The following CTNND2 variants were observed in gnomAD, a reference collection of about 807,000 sequenced individuals.
The protein encoded by CTNND2 is catenin delta-2.
Under a neutral mutation model 144.4 loss-of-function variants are expected in CTNND2, and 22 were observed. The observed-to-expected ratio is 0.15, with a 90% CI of 0.11 to 0.22. The LOEUF is 0.22. Among genes scored for constraint, CTNND2 ranks in the 10% least tolerant of loss-of-function variants. The pLI, the probability that CTNND2 is intolerant of heterozygous loss-of-function variation, is 1.00. For missense variants in CTNND2, 1,353 were observed against 1,618.8 expected (o/e 0.84, Z 2.82); for synonymous variants, 751 against 695.6 (o/e 1.08, Z -1.25).
intron 2 of CTNND2, among the ~76,000 whole-genome samples, chr5:11,647,126 C>A (rs749310225): frequency 2.4e-4 from 37 of 152,276 alleles, no homozygotes; most frequent in Admixed American, 6.5e-4. Flanking sequence ...GCTCATTGAG[C>A]AAACTCTACT....
At chr5:11,211,143 T>A (rs1366988635) in intron 10 of CTNND2, among the ~76,000 whole-genome samples, 1 of 151,962 alleles carries the variant, frequency 6.6e-6, no homozygotes, top group Non-Finnish European at 1.5e-5. Context: ...AAATAGGGTG[T>A]GATGGTGTTG....
At chr5:11,755,578 G>A (rs73045152) in intron 1 of CTNND2, among the ~76,000 whole-genome samples, 2,870 of 150,990 alleles carry the variant, frequency 0.019, 88 homozygotes, top group African/African-American at 0.062. Flanking sequence ...CAGGGACACC[G>A]ATGAGTCATA....
intron 1 of CTNND2, among the ~76,000 whole-genome samples, chr5:11,766,986 C>T (rs1789630145): frequency 6.6e-6 from 1 of 152,040 alleles, no homozygotes; most frequent in Non-Finnish European, 1.5e-5. Flanking sequence ...CCAGAGCTCA[C>T]CCTGAGACCC....
intron 21 of CTNND2, among the ~76,000 whole-genome samples, chr5:10,980,207 A>G (rs1737051728): frequency 6.9e-6 from 1 of 144,238 alleles, no homozygotes; most frequent in African/African-American, 2.5e-5. Context: ...AATTTACAAG[A>G]AAAAAAAAAC....
chr5:10,987,419 C>T (rs1408376562), intron 20 of CTNND2, among the ~76,000 whole-genome samples: 2 of 152,148 alleles, frequency 1.3e-5, no homozygotes, highest in African/African-American at 4.8e-5. Context: ...TCCATAGAGT[C>T]TTGGCTGATG....
chr5:11,677,352 A>G (rs1375199579), intron 2 of CTNND2, among the ~76,000 whole-genome samples: 1 of 152,180 alleles, frequency 6.6e-6, no homozygotes, highest in Non-Finnish European at 1.5e-5. Flanking sequence ...TAGAAATACT[A>G]TCTGCCCCTG....
chr5:11,219,360 C>T (rs1580620995), intron 10 of CTNND2, among the ~76,000 whole-genome samples: 2 of 152,230 alleles, frequency 1.3e-5, no homozygotes, highest in Non-Finnish European at 2.9e-5. Context: ...CTAACTTAAG[C>T]ATAAATACTC....
At chr5:11,232,117 C>T (rs1741092612) in intron 10 of CTNND2, among the ~76,000 whole-genome samples, 1 of 152,238 alleles carries the variant, frequency 6.6e-6, no homozygotes, top group Admixed American at 6.5e-5. Flanking sequence ...TGTGGAAACA[C>T]CCTGAATGTC....
chr5:11,877,732 AT>A (rs1735671451), intron 1 of CTNND2, among the ~76,000 whole-genome samples: 1 of 152,042 alleles, frequency 6.6e-6, no homozygotes, highest in Non-Finnish European at 1.5e-5. Flanking sequence ...CATCATCATC[AT>A]CATCATCATC....
At chr5:11,554,861 T>C (rs1028178687) in intron 3 of CTNND2, among the ~76,000 whole-genome samples, 1 of 151,570 alleles carries the variant, frequency 6.6e-6, no homozygotes, top group African/African-American at 2.4e-5. Flanking sequence ...TATTATGACC[T>C]AGCAAGATCA....
chr5:11,452,078 T>C (rs2149914745), intron 3 of CTNND2, among the ~76,000 whole-genome samples: 1 of 152,314 alleles, frequency 6.6e-6, no homozygotes, highest in Admixed American at 6.5e-5. Flanking sequence ...TTTCTGAAAA[T>C]GGATTAGCTT....
intron 2 of CTNND2, among the ~76,000 whole-genome samples, chr5:11,599,575 G>A (rs1203521816): frequency 6.6e-6 from 1 of 152,104 alleles, no homozygotes; most frequent in African/African-American, 2.4e-5. Flanking sequence ...ACTGGCAAAG[G>A]ATTTGGGTTT....
intron 8 of CTNND2, among the ~76,000 whole-genome samples, chr5:11,349,583 T>C (rs1076202): frequency 0.099 from 14,998 of 152,116 alleles, 1,414 homozygotes; most frequent in African/African-American, 0.21. Flanking sequence ...AATTACCTAA[T>C]ACGGTCAGAA....
At chr5:11,584,420 T>A (rs1423223083) in intron 2 of CTNND2, among the ~76,000 whole-genome samples, 4 of 119,414 alleles carry the variant, frequency 3.3e-5, no homozygotes, top group South Asian at 3.3e-4. Context: ...TATATATATT[T>A]TTTTTGGGGG....
At chr5:11,660,663 G>A (rs921596304) in intron 2 of CTNND2, among the ~76,000 whole-genome samples, 3 of 152,062 alleles carry the variant, frequency 2.0e-5, no homozygotes, top group Admixed American at 2.0e-4. Flanking sequence ...AGAAGATGGT[G>A]ACATTGAACG....
chr5:11,760,560 T>C (rs1355418288), intron 1 of CTNND2, among the ~76,000 whole-genome samples: 1 of 152,146 alleles, frequency 6.6e-6, no homozygotes, highest in African/African-American at 2.4e-5. Flanking sequence ...GATAAGGTAA[T>C]TGTAAAAGGC....
At chr5:11,696,304 G>A (rs1156679972) in intron 2 of CTNND2, among the ~76,000 whole-genome samples, 2 of 152,110 alleles carry the variant, frequency 1.3e-5, no homozygotes, top group African/African-American at 2.4e-5. Flanking sequence ...CTTTTGAATT[G>A]TTTCCAACTA....
intron 12 of CTNND2, among the ~76,000 whole-genome samples, chr5:11,149,121 C>T (rs549516971): frequency 5.9e-5 from 9 of 152,314 alleles, no homozygotes; most frequent in East Asian, 3.9e-4. Context: ...CCACACACCA[C>T]GCCTCCTGGC....
intron 11 of CTNND2, among the ~76,000 whole-genome samples, chr5:11,177,718 A>G (rs943581974): frequency 1.3e-5 from 2 of 152,172 alleles, no homozygotes; most frequent in South Asian, 2.1e-4. Flanking sequence ...ATGGAAATTT[A>G]TATCATCCAT....
Sources: gnomAD v4.1 joint callset for allele counts (sites outside exome capture counted in the v4.1 genomes callset) on GRCh38, gnomAD v4.1.1 for gene constraint, MANE v1.5 for transcripts, NCBI Gene and HGNC (gene_info 2026-07-23, HGNC 2026-07-21) for gene names.